MAP3K21: variants seen among roughly 807,000 people sequenced by gnomAD.
MAP3K21 encodes the protein mitogen-activated protein kinase kinase kinase 21.
A neutral mutation model predicts 86.1 loss-of-function variants in MAP3K21; 63 were observed. The observed-to-expected ratio is 0.73, with a 90% CI of 0.60 to 0.90. The LOEUF (loss-of-function observed/expected upper bound fraction) is 0.90, where lower values mean the gene tolerates loss of function less well. MAP3K21 is among the 40% of genes least tolerant of loss of function. MAP3K21 has a pLI of 0.00. For synonymous variants in MAP3K21, 558 were observed against 564.8 expected, an observed-to-expected ratio of 0.99 and a Z score of 0.17; for missense variants, 1,220 against 1,367.7, an observed-to-expected ratio of 0.89 and a Z score of 1.70.
chr1:233,366,668 T>A (rs7548899), intron 5 of MAP3K21, among the ~76,000 whole-genome samples: 1 of 152,010 alleles, frequency 6.6e-6, no homozygotes, highest in Non-Finnish European at 1.5e-5. Context: ...CCGAAACATA[T>A]TCTAGAGTCC....
At chr1:233,365,623 G>A (rs1417035759) in intron 5 of MAP3K21, among the ~76,000 whole-genome samples, 1 of 152,134 alleles carries the variant, frequency 6.6e-6, no homozygotes, top group African/African-American at 2.4e-5. Context: ...ACGAAAAATA[G>A]TAAATGTTGG....
intron 1 of MAP3K21, among the ~76,000 whole-genome samples, chr1:233,341,901 T>C (rs1663045147): frequency 6.6e-6 from 1 of 152,022 alleles, no homozygotes; most frequent in Non-Finnish European, 1.5e-5. Flanking sequence ...TAATTTGGGG[T>C]CTTTTGGTGA....
intron 4 of MAP3K21, among the ~76,000 whole-genome samples, chr1:233,356,715 G>A (rs1275495423): frequency 6.6e-6 from 1 of 152,162 alleles, no homozygotes; most frequent in Non-Finnish European, 1.5e-5. Context: ...GGGAACAGAT[G>A]CCTAACCTAT....
chr1:233,372,435 G>A, intron 6 of MAP3K21: 1 of 412,098 alleles, frequency 2.4e-6, no homozygotes, highest in Non-Finnish European at 4.3e-6. Flanking sequence ...GAGACATTCT[G>A]TTAAACACTT....
Position 233,379,445 on chromosome 1 carries a change from G to T in MAP3K21, c.2439G>T (p.Leu813=), listed in dbSNP as rs1210899602. The change falls in exon 9 of 10, where the codon CTG becomes CTT. Residue 813 remains leucine (L), a synonymous_variant. Coordinates refer to ENST00000366624, the MANE Select transcript of MAP3K21 (RefSeq NM_032435.3). ...CTTCTTTCTCCACAAAGTGCCTGCT[G>T]CAGATGGACAGTGAAGATCCACTGG... ...STPSFSTKCL[L]QMDSEDPLVD... 1.2e-6 allele frequency: 2 copies of T among 1,614,210 alleles called. No homozygotes were observed. Among genetic ancestry groups the T allele is most frequent in the African/African-American group, 2.7e-5 (2 of 75,052 alleles).
At position 233,362,211 on chromosome 1, in the gene MAP3K21, GC is replaced by G. The variant is rs1274026507; in HGVS notation, c.1473del (p.Lys492ArgfsTer2). 6.2e-7 allele frequency: 1 copy of G among 1,614,224 alleles called. No homozygotes were observed. Among genetic ancestry groups the G allele is most frequent in the East Asian group, 2.2e-5 (1 of 44,884 alleles). ...ILIFQLNQEKPKVKKRKGKFK... is the reference protein window; with the variant it reads ...ILIFQLNQEKXKVKKRKGKFK... ...TGATATTCCAGCTAAACCAGGAGAA[GC>G]CCAAGGTAAAGAAGAGGAAGGGCAA... On this transcript the variant is annotated frameshift_variant, in exon 5 of 10. Transcript: ENST00000366624. LOFTEE classifies it high-confidence loss of function.
chr1:233,357,680 G>A (rs1326302651), intron 4 of MAP3K21, among the ~76,000 whole-genome samples: 1 of 152,212 alleles, frequency 6.6e-6, no homozygotes, highest in Admixed American at 6.5e-5. Context: ...AGAGGATGGG[G>A]GAGCCTGGGA....
At chr1:233,330,126 AG>A (rs1662783849) in intron 1 of MAP3K21, among the ~76,000 whole-genome samples, 1 of 152,248 alleles carries the variant, frequency 6.6e-6, no homozygotes, top group African/African-American at 2.4e-5. Context: ...AAGAGTGACA[AG>A]AAGAAATTTA....
intron 1 of MAP3K21, among the ~76,000 whole-genome samples, chr1:233,339,176 A>G (rs1662968965): frequency 6.6e-6 from 1 of 151,954 alleles, no homozygotes; most frequent in African/African-American, 2.4e-5. Flanking sequence ...TTTTGCTACA[A>G]TTATTTTTAA....
At chr1:233,378,695 G>A (rs1272006236) in intron 8 of MAP3K21, among the ~76,000 whole-genome samples, 1 of 152,172 alleles carries the variant, frequency 6.6e-6, no homozygotes, top group Non-Finnish European at 1.5e-5. Flanking sequence ...CCGAAGCATA[G>A]GAAACAGCAG....
At chr1:233,339,268 C>CT (rs1390932387) in intron 1 of MAP3K21, among the ~76,000 whole-genome samples, 242 of 19,808 alleles carry the variant, frequency 0.012, 22 homozygotes, top group East Asian at 0.036. Context: ...CTTCTTCTTC[C>CT]TCTTCTTCTT....
chr1:233,362,113 G>T lies in MAP3K21; in HGVS notation c.1372G>T (p.Glu458Ter). The T allele has an allele frequency of 6.2e-7, 1 of 1,613,954 alleles. No individual in the cohort carries two copies. ...GGCTCTGCAGCAGAAGTCTCAGGAG[G>T]AGCTGCTAAAGCGGCGTGAGCAGCA... ...RAALQQKSQE[E>*]LLKRREQQLA... Residue 458 changes from glutamate (E) to a stop codon, truncating the protein, a stop_gained, in exon 5 of 10, where the codon GAG becomes TAG. Coordinates refer to ENST00000366624, the MANE Select transcript of MAP3K21 (RefSeq NM_032435.3). LOFTEE classifies it high-confidence loss of function.
chr1:233,378,503 G>GC (rs1663840974), intron 8 of MAP3K21, among the ~76,000 whole-genome samples: 1 of 152,212 alleles, frequency 6.6e-6, no homozygotes, highest in Non-Finnish European at 1.5e-5. Flanking sequence ...CTACAGAACA[G>GC]TTAGTTTATA....
chr1:233,345,938 G>A (rs988298843), intron 1 of MAP3K21, among the ~76,000 whole-genome samples: 2 of 152,090 alleles, frequency 1.3e-5, no homozygotes, highest in Non-Finnish European at 2.9e-5. Context: ...TTGAGCTCCA[G>A]TAAAGCAATT....
chr1:233,328,714 CG>C lies in MAP3K21; in HGVS notation c.687del (p.Arg230AlafsTer15). The C allele has an allele frequency of 7.2e-7, 1 of 1,390,292 alleles. No homozygotes were observed. The highest frequency in any genetic ancestry group is 9.4e-7 in the Non-Finnish European group (1 of 1,065,198). The allele number at this position is 1,390,292 out of a possible 1,614,324, so 86.1% of individuals were successfully genotyped here. On this transcript the variant is annotated frameshift_variant, in exon 1 of 10. Transcript: ENST00000366624. LOFTEE classifies it high-confidence loss of function. This position sits in a 1 kb window ranked among gnomAD's most constrained non-coding sequence, Gnocchi z 8.7. ...PDPRAPGPRRARRIPPHVLVN... is the reference protein window; with the variant it reads ...PDPRAPGPRRXRRIPPHVLVN... ...CCGCGCGCGCCCGGCCCCCGCCGCG[CG>C]CGCCGCATCCCTCCGCACGTGCTGG...
Position 233,357,805 on chromosome 1 carries a change from G to A in MAP3K21, c.1311+2794G>A, listed in dbSNP as rs1044933032. Among the ~76,000 whole-genome samples, 3 of 152,220 alleles carry A rather than the reference G, an allele frequency of 2.0e-5. No individual in the cohort carries two copies. The South Asian group carries it at 6.2e-4, about 32-fold the overall frequency. On this transcript the variant is annotated intron_variant, in intron 4 of 9. Transcript: ENST00000366624. ...AAGAAACCAGTTGCTTGTTATTCCAGAGTTACGCAGTAGGACTTCTGGGTG... is the reference window on the plus strand; with the variant it reads ...AAGAAACCAGTTGCTTGTTATTCCAAAGTTACGCAGTAGGACTTCTGGGTG...
chr1:233,342,183 C>T (rs1663049916), intron 1 of MAP3K21, among the ~76,000 whole-genome samples: 1 of 152,128 alleles, frequency 6.6e-6, no homozygotes, highest in Non-Finnish European at 1.5e-5. Flanking sequence ...AAAAATTAAT[C>T]TCACAGAATG....
chr1:233,376,820 T>C (rs1226002431), intron 8 of MAP3K21, among the ~76,000 whole-genome samples: 1 of 152,188 alleles, frequency 6.6e-6, no homozygotes. Flanking sequence ...ATGGGAAATA[T>C]TAGATGTAAA....
intron 5 of MAP3K21, among the ~76,000 whole-genome samples, chr1:233,367,133 G>A (rs1663592129): frequency 6.6e-6 from 1 of 152,182 alleles, no homozygotes; most frequent in South Asian, 2.1e-4. Flanking sequence ...GCCTCCAAAA[G>A]TTGGTATGTC....
Sources: gnomAD v4.1 joint callset for allele counts (sites outside exome capture counted in the v4.1 genomes callset) on GRCh38, gnomAD v4.1.1 for gene constraint, Gnocchi (gnomAD v3.1) non-coding constraint, MANE v1.5 for transcripts, NCBI Gene and HGNC (gene_info 2026-07-23, HGNC 2026-07-21) for gene names.